The following CATSPERE variants were observed in gnomAD, a reference collection of about 807,000 sequenced individuals.
CATSPERE encodes the protein cation channel sperm-associated auxiliary subunit epsilon.
In CATSPERE, 93 loss-of-function variants were observed where a neutral mutation model predicts 114.1. That is an observed-to-expected ratio of 0.81 (90% CI 0.69 to 0.97). The LOEUF is 0.97. Ranked by LOEUF, CATSPERE falls within the 50% of genes least tolerant of loss-of-function variation. CATSPERE has a pLI of 0.00. For missense variants in CATSPERE, 1,058 were observed against 1,131.6 expected, an observed-to-expected ratio of 0.93 and a Z score of 0.93; for synonymous variants, 341 against 384.1, an observed-to-expected ratio of 0.89 and a Z score of 1.31.
Position 244,588,478 on chromosome 1 carries a change from T to A in CATSPERE, c.2086-4T>A. 6.2e-7 allele frequency: 1 copy of A among 1,609,266 alleles called. No homozygotes were observed. The highest frequency in any genetic ancestry group is 8.5e-7 in the Non-Finnish European group (1 of 1,175,720). ...AACTCACTACCTAAGTTACTTCATT[T>A]TAGGTGTTCCAAATAGCTGTTGGCT... On this transcript the variant is annotated splice_polypyrimidine_tract_variant and splice_region_variant and intron_variant, in intron 13 of 21. Transcript: ENST00000366534.
chr1:244,563,052 A>T (rs977922181), intron 10 of CATSPERE, among the ~76,000 whole-genome samples: 2 of 152,188 alleles, frequency 1.3e-5, no homozygotes, highest in East Asian at 3.8e-4. Context: ...TGTCCCTGCA[A>T]AGGACATGAA....
chr1:244,545,733 T>C (rs1468365657), intron 8 of CATSPERE, among the ~76,000 whole-genome samples: 3 of 152,204 alleles, frequency 2.0e-5, no homozygotes, highest in African/African-American at 7.2e-5. Flanking sequence ...CAGTGAGTCA[T>C]AATGTTGGAC....
intron 5 of CATSPERE, among the ~76,000 whole-genome samples, chr1:244,489,608 A>G (rs977291438): frequency 1.3e-5 from 2 of 151,732 alleles, no homozygotes; most frequent in Non-Finnish European, 2.9e-5. Context: ...CATGGAAACT[A>G]TGTGCAGGAG....
chr1:244,492,812 G>A (rs1249013062), intron 6 of CATSPERE, among the ~76,000 whole-genome samples: 9 of 147,868 alleles, frequency 6.1e-5, no homozygotes, highest in East Asian at 2.0e-4. Context: ...CAGACAAACA[G>A]AGAGCCAAAT....
intron 9 of CATSPERE, among the ~76,000 whole-genome samples, chr1:244,554,473 TGGGCAACATGGTGAGACCCCAGCCA>T (rs982437166): frequency 3.3e-5 from 5 of 152,238 alleles, no homozygotes; most frequent in East Asian, 1.9e-4. Flanking sequence ...GAGACCAGCC[TGGGCAACATGGTGAGACCCCAGCCA>T]GGGCAACATG....
At chr1:244,471,560 A>G (rs923857775) in intron 2 of CATSPERE, among the ~76,000 whole-genome samples, 2 of 152,158 alleles carry the variant, frequency 1.3e-5, no homozygotes, top group Admixed American at 1.3e-4. Context: ...CATCTCAGCC[A>G]TTGGCAGCCA....
intron 13 of CATSPERE, among the ~76,000 whole-genome samples, chr1:244,584,554 A>ATTATATTATATTATATT (rs1300233817): frequency 1.3e-5 from 2 of 151,890 alleles, no homozygotes; most frequent in African/African-American, 4.9e-5. Context: ...ATTATATTAT[A>ATTATATTATATTATATT]GTATTGTGAA....
intron 11 of CATSPERE, among the ~76,000 whole-genome samples, chr1:244,580,314 T>C (rs981384476): frequency 2.0e-5 from 3 of 151,838 alleles, no homozygotes; most frequent in African/African-American, 7.3e-5. Context: ...GGGCACTTTT[T>C]TCTTAACATT....
intron 7 of CATSPERE, among the ~76,000 whole-genome samples, 183 bp downstream of exon 7, chr1:244,499,262 A>G (rs1218565287): frequency 6.6e-6 from 1 of 152,076 alleles, no homozygotes; most frequent in Non-Finnish European, 1.5e-5. Context: ...TAATCTCTAC[A>G]ATAATAAACC....
intron 7 of CATSPERE, among the ~76,000 whole-genome samples, chr1:244,509,754 A>G (rs1370739723): frequency 6.6e-6 from 1 of 152,178 alleles, no homozygotes; most frequent in African/African-American, 2.4e-5. Flanking sequence ...CAATCCTGTT[A>G]CTAATTAATG....
At chr1:244,460,267 A>G (rs561548496), upstream of CATSPERE, among the ~76,000 whole-genome samples, 1 of 152,332 alleles carries the variant, frequency 6.6e-6, no homozygotes, top group East Asian at 1.9e-4. Context: ...TTTAGGAGTC[A>G]TGCAGCTGGA....
chr1:244,554,657 G>C (rs982979912), intron 9 of CATSPERE, among the ~76,000 whole-genome samples: 1 of 152,072 alleles, frequency 6.6e-6, no homozygotes, highest in African/African-American at 2.4e-5. Flanking sequence ...TCACATACCT[G>C]TTGGCCATTT....
rs761237686 is a variant in CATSPERE, at chr1:244,605,783, ACTATGG to A, written c.2394_2399del (p.Met799_Ala800del). 1.9e-3 allele frequency: 3,123 copies of A among 1,609,554 alleles called. 5 individuals carry two copies. The highest frequency in any genetic ancestry group is 2.4e-3 in the Non-Finnish European group (2,858 of 1,176,540). On this transcript the variant is annotated inframe_deletion, in exon 18 of 22. Coordinates refer to ENST00000366534, the MANE Select transcript of CATSPERE (RefSeq NM_001130957.2). ...CAGGGATGACTATAGCTTTAATAAT[ACTATGG>A]CACAGGTATGGCATCTTTGGATTTA...
At chr1:244,476,092 A>G (rs1669302854) in intron 2 of CATSPERE, among the ~76,000 whole-genome samples, 1 of 152,136 alleles carries the variant, frequency 6.6e-6, no homozygotes, top group South Asian at 2.1e-4. Context: ...AAATGTGGTC[A>G]GTTTTGGTAA....
At chr1:244,468,088 G>GT (rs537042738) in intron 2 of CATSPERE, among the ~76,000 whole-genome samples, 1,877 of 141,700 alleles carry the variant, frequency 0.013, 39 homozygotes, top group African/African-American at 0.04. Flanking sequence ...CCATTTTATT[G>GT]TTTTTTTTTT....
At chr1:244,540,681 A>G (rs1275596907) in intron 8 of CATSPERE, among the ~76,000 whole-genome samples, 2 of 147,116 alleles carry the variant, frequency 1.4e-5, no homozygotes, top group African/African-American at 5.0e-5. Context: ...GAACCAAAAA[A>G]GAGCCTGCAT....
At position 244,640,435 on chromosome 1, in the gene CATSPERE, C is replaced by T. The variant is rs1366948474; in HGVS notation, c.*354C>T. The stretch of plus-strand genomic sequence containing the variant: ...GTATCATTTTGCATGAAACTTTTCA[C>T]ATGAAACCTTATATGACTGTAGTTA... On this transcript the variant is annotated 3_prime_UTR_variant, in exon 22 of 22. Coordinates refer to ENST00000366534, the MANE Select transcript of CATSPERE (RefSeq NM_001130957.2). 1.8e-5 allele frequency: 3 copies of T among 163,670 alleles called. No homozygotes were observed. The highest frequency in any genetic ancestry group is 7.2e-5 in the African/African-American group (3 of 41,536). 10.1% of individuals were successfully genotyped at this position (163,670 alleles called of 1,614,324 possible).
downstream of CATSPERE, chr1:244,640,504 A>AC (rs1422205644): frequency 1.4e-5 from 1 of 70,994 alleles, no homozygotes; most frequent in Non-Finnish European, 3.0e-5. Flanking sequence ...GATTTAAATA[A>AC]CCTGCCCTAA....
Position 244,588,535 on chromosome 1 carries a change from G to A in CATSPERE, c.2138+1G>A. On this transcript the variant is annotated splice_donor_variant, in intron 14 of 21. Coordinates refer to ENST00000366534, the MANE Select transcript of CATSPERE (RefSeq NM_001130957.2). LOFTEE classifies it high-confidence loss of function. ...ATAAAAAATTCATTGCAATTAAAGG[G>A]TAAGTATATTTCCATTTGACCTGTG... 2 of 1,603,910 alleles carry A rather than the reference G, an allele frequency of 1.2e-6. No homozygotes were observed. Among genetic ancestry groups the A allele is most frequent in the Non-Finnish European group, 1.7e-6 (2 of 1,170,896 alleles).
Sources: gnomAD v4.1 joint callset for allele counts (sites outside exome capture counted in the v4.1 genomes callset) on GRCh38, gnomAD v4.1.1 for gene constraint, MANE v1.5 for transcripts, NCBI Gene and HGNC (gene_info 2026-07-23, HGNC 2026-07-21) for gene names.